Variants in GPM6A observed in about 807,000 individuals in gnomAD.
GPM6A encodes the protein neuronal membrane glycoprotein M6-a.
GPM6A carries 7 observed loss-of-function variants against 32.1 expected under a neutral mutation model. The ratio of observed to expected loss-of-function variants is 0.22; its 90% confidence interval spans 0.12 to 0.41. GPM6A has a LOEUF of 0.41. Ranked by LOEUF, GPM6A falls within the 10% of genes least tolerant of loss-of-function variation. The pLI, the probability that GPM6A is intolerant of heterozygous loss-of-function variation, is 1.00. For synonymous variants in GPM6A, 130 were observed against 123.4 expected (o/e 1.05, Z -0.35); for missense variants, 235 against 347.2 (o/e 0.68, Z 2.57).
At chr4:175,660,310 G>C (rs112263820) in intron 3 of GPM6A, among the ~76,000 whole-genome samples, 5 of 152,122 alleles carry the variant, frequency 3.3e-5, no homozygotes, top group African/African-American at 1.2e-4. Flanking sequence ...CTTGAATCTG[G>C]GAGGCAGAGG....
chr4:175,664,535 A>G (rs1256051060), intron 3 of GPM6A, among the ~76,000 whole-genome samples: 2 of 152,240 alleles, frequency 1.3e-5, no homozygotes, highest in Non-Finnish European at 2.9e-5. Context: ...AACTAACTGC[A>G]ATACTTTCTT....
At chr4:175,826,921 C>T (rs996440372) in intron 1 of GPM6A, among the ~76,000 whole-genome samples, 2 of 152,080 alleles carry the variant, frequency 1.3e-5, no homozygotes, top group Non-Finnish European at 2.9e-5. Context: ...ACTCATTACA[C>T]GACTTCAGGC....
chr4:175,743,789 C>T (rs1440024498), intron 1 of GPM6A, among the ~76,000 whole-genome samples: 2 of 151,836 alleles, frequency 1.3e-5, no homozygotes, highest in East Asian at 1.9e-4. Context: ...TAAAGAAGGA[C>T]ATTTCATCGA....
In GPM6A at chr4:175,874,483, C is replaced by T. The variant is rs968965210; in HGVS notation, c.-22-62234G>A. ...GGGACTTGAGAGAGCAGGTTCAGTA[C>T]TGTGGTGTGGAGGGGAGGGAGGAGT... On this transcript the variant is annotated intron_variant, in intron 1 of 7. Transcript: ENST00000280187. Among the ~76,000 whole-genome samples the T allele has an allele frequency of 4.6e-5, 7 of 151,974 alleles. No individual in the cohort carries two copies. In the South Asian group the frequency reaches 1.0e-3, roughly 23 times the overall value.
chr4:175,710,533 A>G (rs1424169703), intron 1 of GPM6A, among the ~76,000 whole-genome samples: 2 of 151,842 alleles, frequency 1.3e-5, no homozygotes, highest in African/African-American at 4.8e-5. Context: ...TTGTATATTT[A>G]TTGCATTATT....
intron 1 of GPM6A, among the ~76,000 whole-genome samples, chr4:175,995,177 T>C (rs1372761741): frequency 6.6e-6 from 1 of 152,110 alleles, no homozygotes; most frequent in Non-Finnish European, 1.5e-5. Context: ...CTATTAATAC[T>C]GATATTTGAT....
intron 1 of GPM6A, among the ~76,000 whole-genome samples, chr4:175,931,554 A>T (rs1435461660): frequency 1.3e-5 from 2 of 152,094 alleles, no homozygotes; most frequent in Non-Finnish European, 2.9e-5. Flanking sequence ...AAAACTGTCA[A>T]TCTCAAATGC....
intron 1 of GPM6A, among the ~76,000 whole-genome samples, chr4:175,732,355 T>C (rs1350898511): frequency 6.6e-6 from 1 of 152,176 alleles, no homozygotes; most frequent in Admixed American, 6.5e-5. Flanking sequence ...CCCTATTCCT[T>C]GGTCTCTTTT....
chr4:175,692,616 A>T (rs1433992850), intron 2 of GPM6A, among the ~76,000 whole-genome samples: 7 of 152,026 alleles, frequency 4.6e-5, no homozygotes, highest in Admixed American at 3.9e-4. Flanking sequence ...TATTTTTCTC[A>T]GTTTTTTTAA....
At chr4:175,985,464 C>A (rs1204973531) in intron 1 of GPM6A, among the ~76,000 whole-genome samples, 1 of 152,070 alleles carries the variant, frequency 6.6e-6, no homozygotes, top group East Asian at 1.9e-4. Flanking sequence ...ATTTTTAATT[C>A]TTGTAGAATG....
intron 1 of GPM6A, among the ~76,000 whole-genome samples, chr4:175,718,016 G>A (rs1000931385): frequency 6.6e-6 from 1 of 152,090 alleles, no homozygotes; most frequent in African/African-American, 2.4e-5. Context: ...CACGACCACA[G>A]CAATTTTAAG....
chr4:175,694,938 T>C (rs898507276), intron 2 of GPM6A, among the ~76,000 whole-genome samples: 1 of 152,084 alleles, frequency 6.6e-6, no homozygotes, highest in African/African-American at 2.4e-5. Flanking sequence ...GGACACTGCT[T>C]CCTGCATCCC....
chr4:175,921,653 T>C (rs1449565070), intron 1 of GPM6A, among the ~76,000 whole-genome samples: 1 of 152,220 alleles, frequency 6.6e-6, no homozygotes, highest in Admixed American at 6.5e-5. Flanking sequence ...ATTTAATGCA[T>C]TTTGAAAATC....
intron 1 of GPM6A, among the ~76,000 whole-genome samples, chr4:175,868,613 T>C (rs1211763731): frequency 6.6e-6 from 1 of 152,222 alleles, no homozygotes; most frequent in Non-Finnish European, 1.5e-5. Context: ...TTTCCAAATG[T>C]TTGAGGATTT....
chr4:175,776,374 G>A (rs945109058), intron 1 of GPM6A, among the ~76,000 whole-genome samples: 5 of 152,094 alleles, frequency 3.3e-5, no homozygotes, highest in African/African-American at 1.2e-4. Flanking sequence ...TCCAAACAAA[G>A]GCCTGGCCAC....
At chr4:175,960,009 G>C (rs546856761) in intron 1 of GPM6A, among the ~76,000 whole-genome samples, 108 of 152,212 alleles carry the variant, frequency 7.1e-4, no homozygotes, top group Non-Finnish European at 1.1e-3. Flanking sequence ...TTACAAGCAA[G>C]AAAATTGAGG....
At chr4:175,876,249 A>C (rs1269343727) in intron 1 of GPM6A, among the ~76,000 whole-genome samples, 2 of 152,188 alleles carry the variant, frequency 1.3e-5, no homozygotes, top group Non-Finnish European at 2.9e-5. Flanking sequence ...TCAGATGAGC[A>C]GTTTCATGAA....
At chr4:175,822,830 C>A (rs1321778230) in intron 1 of GPM6A, among the ~76,000 whole-genome samples, 1 of 152,052 alleles carries the variant, frequency 6.6e-6, no homozygotes, top group Non-Finnish European at 1.5e-5. Context: ...CCTCCCCTTG[C>A]CCCCAGCCTC....
Position 175,751,945 on chromosome 4 carries a change from G to T in GPM6A, c.38-50178C>A, listed in dbSNP as rs1269330239. On this transcript the variant is annotated intron_variant, in intron 1 of 6. Transcript: ENST00000393658. The stretch of plus-strand genomic sequence containing the variant: ...GACAGAATTTGCTCTATTTTTGAGA[G>T]CATTGTTAAAACAAAACAAACAAAC... Among the ~76,000 whole-genome samples, 4 of 152,196 alleles carry T rather than the reference G, an allele frequency of 2.6e-5. No individual in the cohort carries two copies. The East Asian group carries it at 7.7e-4, about 29-fold the overall frequency.
Sources: allele counts gnomAD v4.1 joint callset (sites outside exome capture counted in the v4.1 genomes callset), GRCh38; gene constraint gnomAD v4.1.1; transcripts MANE v1.5; gene names NCBI Gene and HGNC (gene_info 2026-07-23, HGNC 2026-07-21).